Variants in SATL1 observed in about 807,000 individuals in gnomAD.
SATL1 encodes the protein spermidine/spermine N1-acetyl transferase like 1.
Under a neutral mutation model 51.8 loss-of-function variants are expected in SATL1, and 47 were observed. That is an observed-to-expected ratio of 0.91 (90% CI 0.72 to 1.16). The LOEUF is 1.16. Among genes scored for constraint, SATL1 ranks in the 50% most tolerant of loss-of-function variants. The probability of loss-of-function intolerance (pLI) is 0.00; values close to 1 mark genes in which losing one functional copy is unlikely to be tolerated. For missense variants in SATL1, 520 were observed against 526.4 expected (o/e 0.99, Z 0.12); for synonymous variants, 176 against 182.4 (o/e 0.97, Z 0.28).
At chrX:85,095,051 G>T (rs1734030245) in intron 4 of SATL1, 55 bp from the exon 5 acceptor site, 13 of 661,881 alleles carry the variant, frequency 2.0e-5, no homozygotes, top group Non-Finnish European at 2.9e-5. Flanking sequence ...GAGAGAAGGA[G>T]ATGGTGGATA....
At chrX:85,101,679 C>G (rs902569287) in intron 4 of SATL1, among the ~76,000 whole-genome samples, 1 of 111,531 alleles carries the variant, frequency 9.0e-6, no homozygotes, top group Non-Finnish European at 1.9e-5. Context: ...CTTTTAGGTA[C>G]GTGCCCAAAA....
At chrX:85,180,515 TTTATA>T (rs1271963096) in intron 2 of SATL1, among the ~76,000 whole-genome samples, 5 of 111,861 alleles carry the variant, frequency 4.5e-5, no homozygotes, top group African/African-American at 1.6e-4. Context: ...AAACATATTG[TTTATA>T]TTGTGTTATA....
chrX:85,232,325 T>A (rs1408220538), intron 1 of SATL1, among the ~76,000 whole-genome samples: 1 of 110,932 alleles, frequency 9.0e-6, no homozygotes, highest in African/African-American at 3.3e-5. Context: ...ATGTGCTGGC[T>A]TAAGGTGGCG....
At chrX:85,129,742 C>A (rs988169813) in intron 2 of SATL1, among the ~76,000 whole-genome samples, 1 of 111,567 alleles carries the variant, frequency 9.0e-6, no homozygotes, top group African/African-American at 3.3e-5. Flanking sequence ...AAAGGGAATG[C>A]TTCCAGTTTT....
intron 2 of SATL1, among the ~76,000 whole-genome samples, chrX:85,163,816 A>G (rs887052504): frequency 1.6e-4 from 18 of 111,454 alleles, no homozygotes; most frequent in Non-Finnish European, 3.4e-4. Flanking sequence ...TTCTTTGTTG[A>G]CTTTCTGTCT....
At chrX:85,218,996 A>G (rs1480890614) in intron 2 of SATL1, 3 of 112,373 alleles carry the variant, frequency 2.7e-5, no homozygotes, top group Non-Finnish European at 5.6e-5. Context: ...AATGAGAATA[A>G]AAATTGTATT....
intron 2 of SATL1, chrX:85,209,220 G>T (rs1263241933): frequency 9.0e-6 from 1 of 111,668 alleles, no homozygotes; most frequent in East Asian, 2.8e-4. Context: ...TGTTATTTCT[G>T]TTCCATTGGT....
intron 2 of SATL1, among the ~76,000 whole-genome samples, chrX:85,171,712 A>G (rs1926976445): frequency 9.0e-6 from 1 of 111,542 alleles, no homozygotes; most frequent in Non-Finnish European, 1.9e-5. Context: ...ATATATAGCA[A>G]CAAATCATTC....
At chrX:85,236,186 C>G (rs189373535) in intron 1 of SATL1, among the ~76,000 whole-genome samples, 51 of 111,114 alleles carry the variant, frequency 4.6e-4, no homozygotes, top group Non-Finnish European at 7.8e-4. Flanking sequence ...GAGACTCAAG[C>G]TGTAATAAAG....
At chrX:85,128,046 T>C (rs1360487878) in intron 2 of SATL1, among the ~76,000 whole-genome samples, 5 of 111,993 alleles carry the variant, frequency 4.5e-5, no homozygotes, top group African/African-American at 6.5e-5. Flanking sequence ...CAGTCTATCA[T>C]TGATGGACAT....
intron 2 of SATL1, among the ~76,000 whole-genome samples, chrX:85,112,433 C>T (rs1351081393): frequency 1.8e-5 from 2 of 111,051 alleles, no homozygotes; most frequent in Non-Finnish European, 3.8e-5. Context: ...CGGGATGAAG[C>T]GCACGGTTTG....
chrX:85,137,870 G>C (rs1462294202), intron 2 of SATL1, among the ~76,000 whole-genome samples: 1 of 110,625 alleles, frequency 9.0e-6, no homozygotes, highest in African/African-American at 3.3e-5. Flanking sequence ...TTGCATTTCA[G>C]TTTGGGAAGT....
At chrX:85,159,063 T>C (rs1002516813) in intron 2 of SATL1, among the ~76,000 whole-genome samples, 2 of 111,612 alleles carry the variant, frequency 1.8e-5, no homozygotes, top group Non-Finnish European at 1.9e-5. Flanking sequence ...AGTTAAATAT[T>C]ATCAAGCACT....
intron 2 of SATL1, among the ~76,000 whole-genome samples, chrX:85,183,913 C>T (rs773541806): frequency 6.9e-4 from 77 of 110,891 alleles, no homozygotes; most frequent in African/African-American, 2.3e-3. Context: ...TTTTTAAATT[C>T]ATTGGTCATC....
At chrX:85,177,836 G>T (rs187316487) in intron 2 of SATL1, among the ~76,000 whole-genome samples, 1 of 111,439 alleles carries the variant, frequency 9.0e-6, no homozygotes, top group Admixed American at 9.6e-5. Flanking sequence ...TCAATGTAAT[G>T]CATTTAGTTT....
At chrX:85,138,069 C>G (rs1452731719) in intron 2 of SATL1, among the ~76,000 whole-genome samples, 2 of 111,996 alleles carry the variant, frequency 1.8e-5, no homozygotes, top group African/African-American at 6.5e-5. Flanking sequence ...TCCACTTTTT[C>G]CATTAAAATC....
intron 2 of SATL1, among the ~76,000 whole-genome samples, chrX:85,163,178 T>TTTG (rs199669352): frequency 0.01 from 1,094 of 106,981 alleles, 7 homozygotes; most frequent in African/African-American, 0.023. Context: ...TCCTGGAGTT[T>TTTG]TTGTTGTTGT....
chrX:85,128,980 G>A (rs1925703879), intron 2 of SATL1, among the ~76,000 whole-genome samples: 1 of 111,346 alleles, frequency 9.0e-6, no homozygotes, highest in Non-Finnish European at 1.9e-5. Flanking sequence ...TATTTCTGAG[G>A]GCTCTGTTCT....
At chrX:85,242,972 A>G (rs1225884445) in intron 1 of SATL1, among the ~76,000 whole-genome samples, 1 of 111,845 alleles carries the variant, frequency 8.9e-6, no homozygotes, top group Admixed American at 9.5e-5. Flanking sequence ...ACAAAAATAA[A>G]ATATTTACTA....
Sources: allele counts gnomAD v4.1 joint callset (sites outside exome capture counted in the v4.1 genomes callset), GRCh38; gene constraint gnomAD v4.1.1; transcripts MANE v1.5; gene names NCBI Gene and HGNC (gene_info 2026-07-23, HGNC 2026-07-21).